The following STOML3 variants were observed in gnomAD, a reference collection of about 807,000 sequenced individuals.
STOML3 encodes the protein stomatin like 3, also known as stomatin-like protein 3.
STOML3 carries 31 observed loss-of-function variants against 29.5 expected under a neutral mutation model. That is an observed-to-expected ratio of 1.05 (90% CI 0.79 to 1.42). The LOEUF (loss-of-function observed/expected upper bound fraction) is 1.42, where lower values mean the gene tolerates loss of function less well. Ranked by LOEUF, STOML3 falls within the 40% of genes most tolerant of loss-of-function variation. The probability of loss-of-function intolerance (pLI) is 0.00; values close to 1 mark genes in which losing one functional copy is unlikely to be tolerated. For missense variants in STOML3, 380 were observed against 363.0 expected (o/e 1.05, Z -0.38); for synonymous variants, 122 against 139.8 (o/e 0.87, Z 0.90).
chr13:38,968,615 G>T, intron 5 of STOML3, 81 bp from the exon 6 acceptor site: 1 of 1,514,520 alleles, frequency 6.6e-7, no homozygotes, highest in South Asian at 1.3e-5. Context: ...ATACTTTCAA[G>T]ATACATTTTT....
intron 1 of STOML3, among the ~76,000 whole-genome samples, chr13:38,981,129 T>C (rs1445115833): frequency 6.6e-6 from 1 of 152,206 alleles, no homozygotes; most frequent in Non-Finnish European, 1.5e-5. Context: ...CAAAGCCAAC[T>C]CTTCATCTTG....
chr13:38,987,648 C>T (rs942987174), intron 1 of STOML3, among the ~76,000 whole-genome samples: 1 of 140,328 alleles, frequency 7.1e-6, no homozygotes, highest in South Asian at 2.1e-4. Flanking sequence ...ATAACATTGC[C>T]TTAATATATA....
chr13:38,989,216 T>C (rs1280829426), intron 1 of STOML3, among the ~76,000 whole-genome samples: 2 of 151,850 alleles, frequency 1.3e-5, no homozygotes, highest in African/African-American at 4.8e-5. Flanking sequence ...GTGCCAGTTT[T>C]TCATATTCAA....
At chr13:38,988,860 G>A (rs1219133108) in intron 1 of STOML3, among the ~76,000 whole-genome samples, 1 of 140,592 alleles carries the variant, frequency 7.1e-6, no homozygotes, top group Admixed American at 7.6e-5. Flanking sequence ...TATTATATAT[G>A]CTGTATTATA....
chr13:38,982,238 T>C (rs1881292397), intron 1 of STOML3, among the ~76,000 whole-genome samples: 1 of 151,014 alleles, frequency 6.6e-6, no homozygotes, highest in Non-Finnish European at 1.5e-5. Flanking sequence ...TAGGGCATTT[T>C]CTTTAAAAAA....
intron 5 of STOML3, 86 bp from the exon 6 acceptor site, chr13:38,968,620 A>T: frequency 4.0e-6 from 6 of 1,508,270 alleles, no homozygotes; most frequent in Non-Finnish European, 5.4e-6. Context: ...TTCAAGATAC[A>T]TTTTTCTTTT....
At chr13:38,972,638 T>C (rs1388513228) in intron 3 of STOML3, 44 bp from the exon 4 acceptor site, 1 of 1,558,528 alleles carries the variant, frequency 6.4e-7, no homozygotes, top group Non-Finnish European at 8.8e-7. Context: ...CTGTTGAAAA[T>C]AACTACAAGT....
chr13:38,979,193 A>T (rs117209444), intron 1 of STOML3, among the ~76,000 whole-genome samples: 1,970 of 152,274 alleles, frequency 0.013, 16 homozygotes, highest in Admixed American at 0.023. Flanking sequence ...CTAAAATATC[A>T]CCTCCCAAAG....
intron 4 of STOML3, among the ~76,000 whole-genome samples, chr13:38,971,874 G>A (rs189107014): frequency 6.8e-4 from 104 of 152,108 alleles, no homozygotes; most frequent in African/African-American, 2.3e-3. Context: ...GCAATGAGCC[G>A]AGATTGCACC....
chr13:38,976,562 T>A lies in STOML3; in HGVS notation c.207A>T (p.Gln69His), dbSNP rs374917040. Reference protein sequence around the residue: ...RAVVFRLGRIQADKAKGPGLI... With the variant: ...RAVVFRLGRIHADKAKGPGLI... ...TACCTGGCCCCTTGGCTTTGTCAGC[T>A]TGGATGCGTCCCAGACGGAATACAA... Residue 69 changes from glutamine to histidine, a missense_variant, in exon 3 of 7, where the codon CAA becomes CAT. Transcript: ENST00000379631. 1.2e-6 allele frequency: 2 copies of A among 1,614,064 alleles called. No homozygotes were observed. The highest frequency in any genetic ancestry group is 1.7e-6 in the Non-Finnish European group (2 of 1,180,040).
At chr13:38,971,119 G>A (rs886128539) in intron 4 of STOML3, among the ~76,000 whole-genome samples, 31 of 151,920 alleles carry the variant, frequency 2.0e-4, no homozygotes, top group African/African-American at 7.2e-4. Flanking sequence ...TGCAACCTCC[G>A]TCTCCCAGGT....
intron 1 of STOML3, among the ~76,000 whole-genome samples, chr13:38,981,048 G>A (rs1399384815): frequency 6.6e-6 from 1 of 152,182 alleles, no homozygotes; most frequent in Non-Finnish European, 1.5e-5. Flanking sequence ...AGCTATGGAA[G>A]CTGAGGCCCA....
intron 1 of STOML3, among the ~76,000 whole-genome samples, chr13:38,987,821 T>TG (rs1868655715): frequency 2.1e-5 from 2 of 93,892 alleles, no homozygotes; most frequent in South Asian, 5.6e-4. Flanking sequence ...ATATATTATA[T>TG]TTTATATAAT....
intron 5 of STOML3, 60 bp downstream of exon 5, chr13:38,970,125 T>C: frequency 1.3e-6 from 2 of 1,490,420 alleles, no homozygotes; most frequent in Non-Finnish European, 1.8e-6. Context: ...CATTTAATAA[T>C]CACTGATAAT....
Position 38,968,461 on chromosome 13 carries a change from G to C in STOML3, c.590C>G (p.Pro197Arg). 1 of 1,614,074 alleles carries C rather than the reference G, an allele frequency of 6.2e-7. No homozygotes were observed. The highest frequency in any genetic ancestry group is 8.5e-7 in the Non-Finnish European group (1 of 1,180,002). Reference sequence around the variant, plus strand: ...TGCCATGGATCTCTGCAACTGCACGGGAATCCGAACATCTTTGATTTCCAC... The same window carrying C: ...TGCCATGGATCTCTGCAACTGCACGCGAATCCGAACATCTTTGATTTCCAC... ...ARVEIKDVRI[P>R]VQLQRSMAAE... The change falls in exon 6 of 7, where the codon CCC becomes CGC. Residue 197 changes from proline (P) to arginine (R), a missense_variant. By Grantham distance (103) the Pro-to-Arg change is moderately radical (BLOSUM62 -2). Transcript: ENST00000379631.
At chr13:38,985,440 TA>T (rs1868475345) in intron 1 of STOML3, among the ~76,000 whole-genome samples, 1 of 151,992 alleles carries the variant, frequency 6.6e-6, no homozygotes, top group Non-Finnish European at 1.5e-5. Context: ...AAAAAAAATT[TA>T]AAAAAAGAAG....
chr13:38,990,753 T>A lies in STOML3; in HGVS notation c.-32A>T. On this transcript the variant is annotated 5_prime_UTR_variant, in exon 1 of 7. Transcript: ENST00000379631. Reference sequence around the variant, plus strand: ...CTTGAGAAGCTTTTATACTTGGCAATTTTTCATGGGTTTGGAGCTAAGTGT... The same window carrying A: ...CTTGAGAAGCTTTTATACTTGGCAAATTTTCATGGGTTTGGAGCTAAGTGT... 3.1e-6 allele frequency: 5 copies of A among 1,610,400 alleles called. No individual in the cohort carries two copies. Among genetic ancestry groups the A allele is most frequent in the Non-Finnish European group, 4.2e-6 (5 of 1,177,262 alleles).
intron 1 of STOML3, among the ~76,000 whole-genome samples, chr13:38,988,757 G>C (rs1269117937): frequency 7.1e-6 from 1 of 141,616 alleles, no homozygotes. Flanking sequence ...CTTATGTGCT[G>C]TCAGGTATAT....
chr13:38,974,052 C>G (rs574225648), intron 3 of STOML3, among the ~76,000 whole-genome samples: 1 of 152,216 alleles, frequency 6.6e-6, no homozygotes, highest in East Asian at 1.9e-4. Context: ...ACATCTACTT[C>G]TTTCTGATTT....
Sources: allele counts gnomAD v4.1 joint callset (sites outside exome capture counted in the v4.1 genomes callset), GRCh38; gene constraint gnomAD v4.1.1; transcripts MANE v1.5; gene names NCBI Gene and HGNC (gene_info 2026-07-23, HGNC 2026-07-21).